Variants in PRIM2 observed in about 807,000 individuals in gnomAD.
PRIM2 encodes DNA primase subunit 2.
PRIM2 carries 39 observed loss-of-function variants against 67.3 expected under a neutral mutation model. The observed-to-expected ratio is 0.58, with a 90% CI of 0.45 to 0.76. The LOEUF is 0.76. PRIM2 is among the 30% of genes least tolerant of loss of function. The pLI is 0.00. For missense variants in PRIM2, 398 were observed against 598.7 expected, an observed-to-expected ratio of 0.66 and a Z score of 3.50; for synonymous variants, 143 against 198.7, an observed-to-expected ratio of 0.72 and a Z score of 2.36.
intron 5 of PRIM2, among the ~76,000 whole-genome samples, chr6:57,354,760 T>C (rs1768971435): frequency 6.6e-6 from 1 of 152,226 alleles, no homozygotes; most frequent in African/African-American, 2.4e-5. Flanking sequence ...GGCAAGATGA[T>C]TCACAAATGC....
chr6:57,270,508 C>T, the PRIM2 span, among the ~76,000 whole-genome samples: 1 of 152,130 alleles, frequency 6.6e-6, no homozygotes, highest in African/African-American at 2.4e-5. Flanking sequence ...AGTTGCTTAT[C>T]AGCTTAAGGA....
At chr6:57,295,237 C>T in the PRIM2 span, among the ~76,000 whole-genome samples, 91,968 of 151,964 alleles carry the variant, frequency 0.61, 29,140 homozygotes, top group East Asian at 0.81. Context: ...CCCCAGCTGA[C>T]GTGACAAAAT....
the PRIM2 span, among the ~76,000 whole-genome samples, chr6:57,248,406 T>C: frequency 1.6e-4 from 25 of 152,364 alleles, no homozygotes; most frequent in Admixed American, 1.6e-3. Context: ...GGGTGGGTTG[T>C]TGTCCAGGTT....
the PRIM2 span, among the ~76,000 whole-genome samples, chr6:57,256,516 T>C: frequency 0.013 from 2,045 of 152,292 alleles, 21 homozygotes; most frequent in Non-Finnish European, 0.018. Flanking sequence ...TTCTAACTTA[T>C]GGTTTAATTG....
chr6:57,291,459 A>G, the PRIM2 span, among the ~76,000 whole-genome samples: 1 of 152,170 alleles, frequency 6.6e-6, no homozygotes, highest in African/African-American at 2.4e-5. Flanking sequence ...ACTATTCCAA[A>G]CAATAGAAAA....
At chr6:57,378,292 C>T (rs1260085970) in intron 5 of PRIM2, among the ~76,000 whole-genome samples, 3 of 151,784 alleles carry the variant, frequency 2.0e-5, no homozygotes, top group Admixed American at 6.6e-5. Flanking sequence ...TCTCAAACTC[C>T]TGGATTCAAG....
chr6:57,520,011 A>G (rs1774578650), intron 8 of PRIM2, among the ~76,000 whole-genome samples: 2 of 152,214 alleles, frequency 1.3e-5, no homozygotes, highest in South Asian at 4.1e-4. Context: ...AAACTGTTAC[A>G]TACCTTGCTC....
chr6:57,399,629 A>G (rs1485009315), intron 7 of PRIM2, among the ~76,000 whole-genome samples: 1 of 152,214 alleles, frequency 6.6e-6, no homozygotes, highest in Non-Finnish European at 1.5e-5. Flanking sequence ...GTCTTTCACA[A>G]TGGTTGAACT....
At position 57,489,927 on chromosome 6, in the gene PRIM2, G is replaced by GTTT. The variant is rs1157953922; in HGVS notation, c.694-17446_694-17444dup. Among the ~76,000 whole-genome samples, 115 of 127,666 alleles carry GTTT rather than the reference G, an allele frequency of 9.0e-4. 1 individual carries two copies. The highest frequency in any genetic ancestry group is 3.1e-3 in the African/African-American group (107 of 34,852). 83.8% of individuals were successfully genotyped at this position (127,666 alleles called of 152,430 possible). A position where few individuals can be genotyped will look rare whatever the true frequency, so the allele number is the denominator to read the frequency against. ...CAGGAGAAGCAAAATTGTTTTAAGTGTTTTTTTTTTTTTTTTGTCTTTGAA... is the reference window on the plus strand; with the variant it reads ...CAGGAGAAGCAAAATTGTTTTAAGTGTTTTTTTTTTTTTTTTTTTGTCTTTGAA... On this transcript the variant is annotated intron_variant, in intron 7 of 13. Transcript: ENST00000615550.
At chr6:57,458,768 C>G (rs1172213187) in intron 7 of PRIM2, among the ~76,000 whole-genome samples, 133 of 152,300 alleles carry the variant, frequency 8.7e-4, no homozygotes, top group Non-Finnish European at 1.5e-3. Flanking sequence ...GTTAGCCCCC[C>G]TAGCTACTAG....
At chr6:57,533,937 C>T (rs1774944393) in intron 9 of PRIM2, among the ~76,000 whole-genome samples, 1 of 152,198 alleles carries the variant, frequency 6.6e-6, no homozygotes, top group African/African-American at 2.4e-5. Flanking sequence ...ATGATCCTGT[C>T]ATGGGTCTGT....
intron 7 of PRIM2, among the ~76,000 whole-genome samples, chr6:57,407,433 A>G (rs1770928056): frequency 1.3e-5 from 2 of 151,894 alleles, no homozygotes; most frequent in Non-Finnish European, 2.9e-5. Context: ...TTTCACTTAA[A>G]TGGCTTCATT....
At chr6:57,306,768 T>A in the PRIM2 span, among the ~76,000 whole-genome samples, 3 of 152,186 alleles carry the variant, frequency 2.0e-5, no homozygotes, top group Non-Finnish European at 4.4e-5. Context: ...TCCCCAGAGT[T>A]AACCACTATC....
At position 57,324,190 on chromosome 6, in the gene PRIM2, T is replaced by C; in HGVS notation, c.259-11T>C. 6.7e-7 allele frequency: 1 copy of C among 1,482,386 alleles called. No individual in the cohort carries two copies. Among genetic ancestry groups the C allele is most frequent in the Non-Finnish European group, 9.4e-7 (1 of 1,066,320 alleles). 91.8% of individuals were successfully genotyped at this position (1,482,386 alleles called of 1,614,324 possible). ...ATGCATTTATTTTATTCATGTGTCA[T>C]TATTTTTAAGGAAAACTTAGAAGAT... On this transcript the variant is annotated splice_polypyrimidine_tract_variant and intron_variant, in intron 3 of 13. Transcript: ENST00000615550.
chr6:57,620,676 A>T (rs1776836418), intron 12 of PRIM2, among the ~76,000 whole-genome samples: 1 of 152,196 alleles, frequency 6.6e-6, no homozygotes, highest in Admixed American at 6.5e-5. Context: ...AAAACAAAAA[A>T]CCAAAGTATG....
intron 7 of PRIM2, among the ~76,000 whole-genome samples, chr6:57,446,311 A>G (rs7749780): frequency 0.67 from 99,102 of 147,748 alleles, 33,278 homozygotes; most frequent in South Asian, 0.74. Flanking sequence ...TTTAGAAGTA[A>G]TAGAAAACTT....
the PRIM2 span, among the ~76,000 whole-genome samples, chr6:57,262,654 C>A: frequency 6.6e-6 from 1 of 152,158 alleles, no homozygotes; most frequent in African/African-American, 2.4e-5. Flanking sequence ...CCTTGGGAAG[C>A]CTCCATTTGG....
chr6:57,551,600 A>G (rs1436474288), intron 10 of PRIM2, among the ~76,000 whole-genome samples: 3 of 152,284 alleles, frequency 2.0e-5, no homozygotes, highest in African/African-American at 7.2e-5. Flanking sequence ...CCATTCAACA[A>G]ACATTGAGTA....
rs1337302197 is a variant in PRIM2 at position 57,587,928 on chromosome 6, C to T, written c.1021-13165C>T. 4.6e-5 allele frequency among the ~76,000 whole-genome samples: 7 copies of T among 152,214 alleles called. No homozygotes were observed. The South Asian group carries it at 6.2e-4, about 14-fold the overall frequency. On this transcript the variant is annotated intron_variant, in intron 10 of 13. Transcript: ENST00000615550. ...GCCTCTCATTATCAGGGAGAGCAAT[C>T]GCTAGTCCTTGTGGTTTTAAATGAT... is the stretch of plus-strand genomic sequence containing the variant.
Sources: allele counts gnomAD v4.1 joint callset (sites outside exome capture counted in the v4.1 genomes callset), GRCh38; gene constraint gnomAD v4.1.1; transcripts MANE v1.5; gene names NCBI Gene and HGNC (gene_info 2026-07-23, HGNC 2026-07-21).